Variants in CACNA1E observed in about 807,000 individuals in gnomAD.
CACNA1E encodes voltage-dependent R-type calcium channel subunit alpha-1E.
In CACNA1E, 40 loss-of-function variants were observed where a neutral mutation model predicts 259.2. That is an observed-to-expected ratio of 0.15 (90% CI 0.12 to 0.20). The LOEUF (loss-of-function observed/expected upper bound fraction) is 0.20, where lower values mean the gene tolerates loss of function less well. Among genes scored for constraint, CACNA1E ranks in the 10% least tolerant of loss-of-function variants. CACNA1E has a pLI of 1.00. For missense variants in CACNA1E, 1,874 were observed against 3,040.1 expected, an observed-to-expected ratio of 0.62 and a Z score of 9.02; for synonymous variants, 1,104 against 1,138.5, an observed-to-expected ratio of 0.97 and a Z score of 0.61.
intron 1 of CACNA1E, among the ~76,000 whole-genome samples, chr1:181,328,049 G>C (rs1052126562): frequency 1.3e-5 from 2 of 152,212 alleles, no homozygotes; most frequent in African/African-American, 4.8e-5. Flanking sequence ...CATAGTTGCA[G>C]AAGGTTTCAG....
intron 1 of CACNA1E, among the ~76,000 whole-genome samples, chr1:181,320,421 G>C (rs997831959): frequency 6.6e-6 from 1 of 152,116 alleles, no homozygotes; most frequent in Non-Finnish European, 1.5e-5. Flanking sequence ...AGTTCCTGCA[G>C]GGCCTCAAAA....
intron 1 of CACNA1E, among the ~76,000 whole-genome samples, chr1:181,365,164 TTTTTTTA>T (rs939772823): frequency 3.9e-5 from 6 of 152,066 alleles, no homozygotes; most frequent in Non-Finnish European, 7.4e-5. Flanking sequence ...AATCCTAGCT[TTTTTTTA>T]TTTTTTATTT....
intron 6 of CACNA1E, among the ~76,000 whole-genome samples, chr1:181,599,268 A>G (rs1169117726): frequency 6.6e-6 from 1 of 152,202 alleles, no homozygotes; most frequent in Non-Finnish European, 1.5e-5. Flanking sequence ...CTCCAGCTCC[A>G]TCCATGTCTC....
At chr1:181,587,711 G>A (rs910606701) in intron 6 of CACNA1E, among the ~76,000 whole-genome samples, 4 of 152,002 alleles carry the variant, frequency 2.6e-5, no homozygotes, top group South Asian at 2.1e-4. Flanking sequence ...GTGAAACCCC[G>A]TCTCTACTAA....
At position 181,338,116 on chromosome 1, in the gene CACNA1E, C is replaced by T. The variant is rs922233502; in HGVS notation, c.-15+19993C>T. Among the ~76,000 whole-genome samples the T allele has an allele frequency of 1.1e-4, 16 of 152,134 alleles. No homozygotes were observed. The East Asian group carries it at 1.5e-3, about 15-fold the overall frequency. On this transcript the variant is annotated intron_variant, in intron 1 of 11. Transcript: ENST00000524607. ...TGTTTGTTTTTGTGAGATGGAGTCT[C>T]GTGCTCTCACCCAGGCTGGAGTGCG...
intron 6 of CACNA1E, among the ~76,000 whole-genome samples, chr1:181,638,416 A>C (rs962181928): frequency 1.3e-5 from 2 of 152,198 alleles, no homozygotes; most frequent in African/African-American, 4.8e-5. Flanking sequence ...AAGTTAAAAC[A>C]TTGCTATTTT....
intron 1 of CACNA1E, among the ~76,000 whole-genome samples, chr1:181,504,024 T>G (rs1665491871): frequency 6.6e-6 from 1 of 152,214 alleles, no homozygotes; most frequent in Non-Finnish European, 1.5e-5. Context: ...AGGCTCTTTC[T>G]CTGTTACTGT....
At chr1:181,634,842 G>A (rs1657061247) in intron 6 of CACNA1E, among the ~76,000 whole-genome samples, 1 of 152,142 alleles carries the variant, frequency 6.6e-6, no homozygotes, top group South Asian at 2.1e-4. Context: ...GGCTTCTGGA[G>A]TAACCCATCC....
At chr1:181,536,581 C>T (rs993959228) in intron 3 of CACNA1E, among the ~76,000 whole-genome samples, 4 of 152,132 alleles carry the variant, frequency 2.6e-5, no homozygotes, top group Admixed American at 2.0e-4. Context: ...TCTCTCTCTC[C>T]GTGGTATTGA....
chr1:181,327,103 C>T (rs1019321041), intron 1 of CACNA1E, among the ~76,000 whole-genome samples: 2 of 152,184 alleles, frequency 1.3e-5, no homozygotes, highest in Admixed American at 6.5e-5. Context: ...TCCTTGATGG[C>T]GAGGATTGTG....
chr1:181,460,431 G>T (rs772565668), intron 2 of CACNA1E, among the ~76,000 whole-genome samples: 24 of 152,166 alleles, frequency 1.6e-4, no homozygotes, highest in Non-Finnish European at 2.6e-4. Flanking sequence ...TGGGTAGTGG[G>T]CCAGGAACAG....
At chr1:181,796,498 A>G (rs1558404292) in intron 46 of CACNA1E, among the ~76,000 whole-genome samples, 170 bp from the exon 47 acceptor site, 1 of 152,126 alleles carries the variant, frequency 6.6e-6, no homozygotes, top group Non-Finnish European at 1.5e-5. Context: ...ATACCATACC[A>G]TCAGGAACAA....
At chr1:181,548,315 G>A (rs1443327575) in intron 3 of CACNA1E, among the ~76,000 whole-genome samples, 3 of 151,972 alleles carry the variant, frequency 2.0e-5, no homozygotes, top group South Asian at 2.1e-4. Context: ...TAGTAGATAC[G>A]GGGTTTCACC....
In CACNA1E at chr1:181,798,917, G is replaced by C; in HGVS notation, c.*83G>C. 2.4e-6 allele frequency: 3 copies of C among 1,237,726 alleles called. No individual in the cohort carries two copies. The highest frequency in any genetic ancestry group is 3.2e-6 in the Non-Finnish European group (3 of 926,874). 76.7% of individuals were successfully genotyped at this position (1,237,726 alleles called of 1,614,324 possible). On this transcript the variant is annotated 3_prime_UTR_variant, in exon 48 of 48. Transcript: ENST00000367573. This position sits in a 1 kb window ranked among gnomAD's most constrained non-coding sequence, Gnocchi z 4.2. ...ATTGGGAAGCCAGTGCGGCCCGGGG[G>C]GGAGGAAGAGGGAAAAGGAAGATGG...
intron 6 of CACNA1E, among the ~76,000 whole-genome samples, chr1:181,621,859 A>G (rs1315278409): frequency 1.3e-5 from 2 of 152,164 alleles, no homozygotes; most frequent in Admixed American, 6.5e-5. Flanking sequence ...CAGTATCTCT[A>G]CAATACATAG....
At chr1:181,609,726 C>T (rs1253710330) in intron 6 of CACNA1E, among the ~76,000 whole-genome samples, 3 of 152,188 alleles carry the variant, frequency 2.0e-5, no homozygotes, top group African/African-American at 7.2e-5. Flanking sequence ...TTATCTTATT[C>T]TCACAGCAGT....
chr1:181,508,147 TTG>T (rs55742094), intron 1 of CACNA1E, among the ~76,000 whole-genome samples: 28 of 148,800 alleles, frequency 1.9e-4, no homozygotes, highest in Non-Finnish European at 2.8e-4. Context: ...CCCAAACGCC[TTG>T]TGTGTGTGTG....
chr1:181,781,367 C>T lies in CACNA1E; in HGVS notation c.5268-60C>T, dbSNP rs934480732. On this transcript the variant is annotated intron_variant, in intron 38 of 47. Transcript: ENST00000367573. ...CTTCTCCCCACTTCCTTCTCCTTTC[C>T]CTGCCACCCCACTGCCCCGCTAACC... 8 of 780,658 alleles carry T rather than the reference C, an allele frequency of 1.0e-5. No homozygotes were observed. In the African/African-American group the frequency reaches 1.4e-4, roughly 13 times the overall value. 48.4% of individuals were successfully genotyped at this position (780,658 alleles called of 1,614,324 possible). A position where few individuals can be genotyped will look rare whatever the true frequency, so the allele number is the denominator to read the frequency against.
chr1:181,366,314 C>T (rs998309782), intron 1 of CACNA1E, among the ~76,000 whole-genome samples: 7 of 152,130 alleles, frequency 4.6e-5, no homozygotes, highest in African/African-American at 1.4e-4. Context: ...TGGTATCAGA[C>T]GCTGGCTCAA....
Sources: allele counts gnomAD v4.1 joint callset (sites outside exome capture counted in the v4.1 genomes callset), GRCh38; gene constraint gnomAD v4.1.1; non-coding constraint Gnocchi (gnomAD v3.1); transcripts MANE v1.5; gene names NCBI Gene and HGNC (gene_info 2026-07-23, HGNC 2026-07-21).